The following HIVEP3 variants were observed in gnomAD, a reference collection of about 807,000 sequenced individuals.
HIVEP3 encodes the protein transcription factor HIVEP3.
HIVEP3 carries 49 observed loss-of-function variants against 152.8 expected under a neutral mutation model. The observed-to-expected ratio is 0.32, with a 90% CI of 0.26 to 0.41. The LOEUF (loss-of-function observed/expected upper bound fraction) is 0.41. Ranked by LOEUF, HIVEP3 falls within the 10% of genes least tolerant of loss-of-function variation. The pLI is 1.00. For synonymous variants in HIVEP3, 1,269 were observed against 1,289.0 expected (o/e 0.98, Z 0.33); for missense variants, 2,790 against 3,103.3 (o/e 0.90, Z 2.40).
chr1:41,938,141 A>G (rs980042421), intron 1 of HIVEP3, among the ~76,000 whole-genome samples: 2 of 152,124 alleles, frequency 1.3e-5, no homozygotes, highest in Non-Finnish European at 2.9e-5. Context: ...CGCAATTTAA[A>G]TGCCATCTCC....
chr1:41,733,649 A>T (rs1646875265), intron 1 of HIVEP3, among the ~76,000 whole-genome samples: 1 of 152,212 alleles, frequency 6.6e-6, no homozygotes, highest in South Asian at 2.1e-4. Flanking sequence ...CTGTGCTCTG[A>T]GGGTCCACTG....
chr1:41,522,807 G>C (rs968969508), intron 6 of HIVEP3, among the ~76,000 whole-genome samples: 3 of 145,700 alleles, frequency 2.1e-5, no homozygotes, highest in Non-Finnish European at 3.1e-5. Flanking sequence ...TCACGCGGCA[G>C]AGTGATGGTT....
At chr1:42,035,055 G>C (rs929785992) in intron 1 of HIVEP3, among the ~76,000 whole-genome samples, 1 of 152,202 alleles carries the variant, frequency 6.6e-6, no homozygotes, top group Non-Finnish European at 1.5e-5. Context: ...GATCTATTTA[G>C]CTTTCCCACC....
chr1:41,942,900 T>TA (rs1645052917), intron 1 of HIVEP3, among the ~76,000 whole-genome samples: 1 of 145,016 alleles, frequency 6.9e-6, no homozygotes, highest in African/African-American at 2.7e-5. Context: ...TTATATTTTC[T>TA]TTTTTTTTTC....
chr1:42,029,024 A>T (rs982380615), intron 1 of HIVEP3, among the ~76,000 whole-genome samples: 9 of 152,182 alleles, frequency 5.9e-5, no homozygotes, highest in Admixed American at 5.9e-4. Context: ...AATGACAACT[A>T]ATCTAATTTT....
intron 5 of HIVEP3, among the ~76,000 whole-genome samples, chr1:41,549,064 C>G (rs1357701069): frequency 6.6e-6 from 1 of 151,698 alleles, no homozygotes; most frequent in Non-Finnish European, 1.5e-5. Context: ...GTGATGTTCC[C>G]CATCCTGTGT....
At chr1:41,777,472 T>A (rs1648779957) in intron 1 of HIVEP3, among the ~76,000 whole-genome samples, 1 of 152,174 alleles carries the variant, frequency 6.6e-6, no homozygotes. Flanking sequence ...GCACAGGCCC[T>A]CTTTCAAACC....
chr1:41,880,444 A>C (rs1644243566), intron 1 of HIVEP3, among the ~76,000 whole-genome samples: 1 of 152,208 alleles, frequency 6.6e-6, no homozygotes. Flanking sequence ...ATGACAACAA[A>C]GGCATCTCTG....
At chr1:41,523,573 C>T (rs1469544190) in intron 6 of HIVEP3, among the ~76,000 whole-genome samples, 1 of 152,068 alleles carries the variant, frequency 6.6e-6, no homozygotes, top group African/African-American at 2.4e-5. Context: ...TGGCCCCTGA[C>T]CTGGTATAGA....
intron 7 of HIVEP3, 142 bp from the exon 8 acceptor site, chr1:41,513,892 A>G: frequency 3.2e-6 from 2 of 617,068 alleles, no homozygotes; most frequent in Non-Finnish European, 2.6e-6. Flanking sequence ...TGTTGGGACA[A>G]CCAAGAAACG....
rs548171869 is a variant in HIVEP3, at chr1:41,949,947, G to A, written n.120-31423C>T. ...GCAGGAAGCAGTTAGAGCGGTCATC[G>A]GCCAACCTCTCAACAGGGTTTTCCT... On this transcript the variant is annotated intron_variant and non_coding_transcript_variant, in intron 1 of 3. Transcript: ENST00000489103. Among the ~76,000 whole-genome samples the A allele has an allele frequency of 4.7e-4, 71 of 152,170 alleles. 2 individuals carry two copies. The South Asian group carries it at 0.013, about 28-fold the overall frequency.
intron 2 of HIVEP3, among the ~76,000 whole-genome samples, chr1:41,644,410 T>C (rs1336830943): frequency 6.6e-6 from 1 of 152,122 alleles, no homozygotes; most frequent in African/African-American, 2.4e-5. Flanking sequence ...TTTCCCCTCC[T>C]CTCAAACCAA....
intron 1 of HIVEP3, among the ~76,000 whole-genome samples, chr1:41,721,695 T>C (rs1179556182): frequency 2.6e-5 from 4 of 152,210 alleles, no homozygotes; most frequent in African/African-American, 9.7e-5. Flanking sequence ...GAAGTATCAT[T>C]ATCATCTCTG....
chr1:41,911,917 C>T (rs758853109), intron 1 of HIVEP3, among the ~76,000 whole-genome samples: 8 of 152,030 alleles, frequency 5.3e-5, no homozygotes, highest in African/African-American at 1.2e-4. Context: ...TGGGAAAGAC[C>T]CAGGTAAGCA....
chr1:41,708,748 C>T (rs1301265149), intron 1 of HIVEP3, among the ~76,000 whole-genome samples: 1 of 152,234 alleles, frequency 6.6e-6, no homozygotes, highest in East Asian at 1.9e-4. Context: ...CAAATGGCTT[C>T]CTTTGGCACA....
chr1:41,659,082 C>T (rs1415691363), intron 2 of HIVEP3, among the ~76,000 whole-genome samples: 1 of 152,192 alleles, frequency 6.6e-6, no homozygotes, highest in Non-Finnish European at 1.5e-5. Context: ...AGCAGTTACC[C>T]CCTCCAAAGG....
intron 1 of HIVEP3, among the ~76,000 whole-genome samples, chr1:41,793,495 G>T (rs1649814534): frequency 6.6e-6 from 1 of 152,174 alleles, no homozygotes; most frequent in Non-Finnish European, 1.5e-5. Context: ...GGTGGGAGGA[G>T]GCTGCACTGT....
intron 5 of HIVEP3, among the ~76,000 whole-genome samples, chr1:41,560,066 G>C (rs1020244484): frequency 6.6e-6 from 1 of 152,198 alleles, no homozygotes. Context: ...AATGGGGGCA[G>C]GGGGTGGCAC....
At chr1:41,967,763 C>G (rs1645207391) in intron 1 of HIVEP3, among the ~76,000 whole-genome samples, 1 of 152,002 alleles carries the variant, frequency 6.6e-6, no homozygotes, top group Non-Finnish European at 1.5e-5. Flanking sequence ...AATTCAGGAG[C>G]TGTTTTTCTG....
Sources: allele counts gnomAD v4.1 joint callset (sites outside exome capture counted in the v4.1 genomes callset), GRCh38; gene constraint gnomAD v4.1.1; transcripts MANE v1.5; gene names NCBI Gene and HGNC (gene_info 2026-07-23, HGNC 2026-07-21).